SGSM2: variants seen among roughly 807,000 people sequenced by gnomAD.
SGSM2 encodes RUN and TBC1 domain containing 1.
SGSM2 carries 89 observed loss-of-function variants against 126.6 expected under a neutral mutation model. That is an observed-to-expected ratio of 0.70 (90% CI 0.59 to 0.84). SGSM2 has a LOEUF of 0.84. SGSM2 is among the 40% of genes least tolerant of loss of function. The pLI, the probability that SGSM2 is intolerant of heterozygous loss-of-function variation, is 0.00. For missense variants in SGSM2, 1,404 were observed against 1,416.6 expected (o/e 0.99, Z 0.14); for synonymous variants, 614 against 574.3 (o/e 1.07, Z -0.99).
chr17:2,357,509 T>G (rs1020535691), intron 2 of SGSM2, among the ~76,000 whole-genome samples: 1 of 152,194 alleles, frequency 6.6e-6, no homozygotes, highest in African/African-American at 2.4e-5. Flanking sequence ...TTATTTTATT[T>G]TCTTGAGATG....
chr17:2,375,359 A>T (rs1014109422), intron 17 of SGSM2, 133 bp from the exon 18 acceptor site: 4 of 1,179,246 alleles, frequency 3.4e-6, no homozygotes, highest in East Asian at 2.6e-5. Flanking sequence ...CCCCGTGGCC[A>T]CAGTGTTGGA....
Position 2,364,922 on chromosome 17 carries a change from G to A in SGSM2, c.1026G>A (p.Val342=). 1.9e-6 allele frequency: 3 copies of A among 1,611,656 alleles called. No homozygotes were observed. The highest frequency in any genetic ancestry group is 1.7e-6 in the Non-Finnish European group (2 of 1,179,990). ...QQKSGGTLVL[V]SQDGIQRPPL... ...AGAGCGGTGGCACGCTTGTGCTGGT[G>A]AGCCAGGATGGCATCCAGAGGCCGC... Residue 342 remains valine, a synonymous_variant, in exon 10 of 24, where the codon GTG becomes GTA. Coordinates refer to ENST00000268989, the MANE Select transcript of SGSM2 (RefSeq NM_014853.3).
intron 2 of SGSM2, among the ~76,000 whole-genome samples, chr17:2,345,595 CAAAA>C (rs1228278801): frequency 1.2e-5 from 1 of 84,208 alleles, no homozygotes. Context: ...GACTCTGTCT[CAAAA>C]AAAAAAAAAA....
chr17:2,363,955 C>A lies in SGSM2; in HGVS notation c.808-104C>A. 1 of 1,431,642 alleles carries A rather than the reference C, an allele frequency of 7.0e-7. No individual in the cohort carries two copies. Among genetic ancestry groups the A allele is most frequent in the Non-Finnish European group, 9.7e-7 (1 of 1,026,248 alleles). 88.7% of individuals were successfully genotyped at this position (1,431,642 alleles called of 1,614,324 possible). Reference sequence around the variant, plus strand: ...CCTAGTCCAGGACCCCGTGACTAGCCTAGCTTGGCCTCCCCTCCTCCCAGC... The same window carrying A: ...CCTAGTCCAGGACCCCGTGACTAGCATAGCTTGGCCTCCCCTCCTCCCAGC... On this transcript the variant is annotated intron_variant, in intron 7 of 23. Transcript: ENST00000268989. This position sits in a 1 kb window ranked among gnomAD's most constrained non-coding sequence, Gnocchi z 4.2.
At chr17:2,369,650 C>G (rs955734817) in intron 12 of SGSM2, among the ~76,000 whole-genome samples, 2 of 152,180 alleles carry the variant, frequency 1.3e-5, no homozygotes, top group African/African-American at 2.4e-5. Flanking sequence ...GGCCTCCTTT[C>G]TGGGCATGAG....
chr17:2,350,067 G>A (rs902932495), intron 2 of SGSM2, among the ~76,000 whole-genome samples: 3 of 151,914 alleles, frequency 2.0e-5, no homozygotes, highest in Non-Finnish European at 2.9e-5. Flanking sequence ...GATTACAGGC[G>A]TAAGCCACCA....
intron 3 of SGSM2, 105 bp downstream of exon 3, chr17:2,361,904 C>A: frequency 7.1e-7 from 1 of 1,403,894 alleles, no homozygotes; most frequent in South Asian, 1.4e-5. Flanking sequence ...GGGCCTGTTC[C>A]TTGCAGGGCC....
intron 1 of SGSM2, among the ~76,000 whole-genome samples, chr17:2,340,815 A>G (rs1049512083): frequency 4.6e-5 from 7 of 151,914 alleles, no homozygotes; most frequent in South Asian, 2.1e-4. Flanking sequence ...CGATCTCCTG[A>G]CCTCGTGATC....
rs780826322 is a variant in SGSM2 at position 2,367,350 on chromosome 17, C to T, written c.1368C>T (p.His456=). The change falls in exon 12 of 24, where the codon CAC becomes CAT. Residue 456 remains histidine, a synonymous_variant. Coordinates refer to ENST00000268989, the MANE Select transcript of SGSM2 (RefSeq NM_014853.3). The surrounding 1 kb of genome is among the most constrained non-coding windows in gnomAD (Gnocchi z 4.0). ...DDDEEEEDKL[H]AMLSMICSRN... Reference sequence around the variant, plus strand: ...ATGAGGAAGAGGAGGATAAACTGCACGCGATGCTCTCAATGATCTGCTCGC... The same window carrying T: ...ATGAGGAAGAGGAGGATAAACTGCATGCGATGCTCTCAATGATCTGCTCGC... The T allele has an allele frequency of 9.9e-6, 16 of 1,614,074 alleles. No individual in the cohort carries two copies. Among genetic ancestry groups the T allele is most frequent in the Middle Eastern group, 1.6e-4 (1 of 6,080 alleles).
rs540252038 is a variant in SGSM2 at position 2,353,796 on chromosome 17, A to G, written c.134-7841A>G. 2.1e-4 allele frequency among the ~76,000 whole-genome samples: 31 copies of G among 150,694 alleles called. 1 individual carries two copies. The South Asian group carries it at 6.5e-3, about 32-fold the overall frequency. ...AAAAAAGCGTGCAGTGAAAAGTCTC[A>G]CTCCTTTCTCTGCTCTTATTCACCC... is the stretch of plus-strand genomic sequence containing the variant. On this transcript the variant is annotated intron_variant, in intron 2 of 23. Transcript: ENST00000268989.
chr17:2,337,865 C>G lies in SGSM2; in HGVS notation c.57+120C>G. The G allele has an allele frequency of 1.7e-6, 1 of 572,146 alleles. No individual in the cohort carries two copies. Among genetic ancestry groups the G allele is most frequent in the South Asian group, 5.4e-5 (1 of 18,492 alleles). 35.4% of individuals were successfully genotyped at this position (572,146 alleles called of 1,614,324 possible). ...CGGGCCGAACCTGGGCCGGGCGGGGCGGGTCCTGGACGGGCTGCGCCTCCT... is the reference window on the plus strand; with the variant it reads ...CGGGCCGAACCTGGGCCGGGCGGGGGGGGTCCTGGACGGGCTGCGCCTCCT... On this transcript the variant is annotated intron_variant, in intron 1 of 23. Coordinates refer to ENST00000268989, the MANE Select transcript of SGSM2 (RefSeq NM_014853.3). The surrounding 1 kb of genome is among the most constrained non-coding windows in gnomAD (Gnocchi z 5.1).
At chr17:2,353,100 G>T (rs1203642055) in intron 2 of SGSM2, among the ~76,000 whole-genome samples, 1 of 151,964 alleles carries the variant, frequency 6.6e-6, no homozygotes, top group Non-Finnish European at 1.5e-5. Context: ...TCTAGCAGCC[G>T]AGCTATAGTT....
At chr17:2,345,578 A>G (rs1355736654) in intron 2 of SGSM2, among the ~76,000 whole-genome samples, 4 of 145,436 alleles carry the variant, frequency 2.8e-5, no homozygotes, top group South Asian at 2.2e-4. Context: ...CCTGGGTGAC[A>G]GAGCGAGACT....
chr17:2,338,524 T>G (rs1413373082), intron 1 of SGSM2, among the ~76,000 whole-genome samples: 1 of 152,018 alleles, frequency 6.6e-6, no homozygotes, highest in Non-Finnish European at 1.5e-5. Context: ...TAGAATACAT[T>G]GGGCCTCCTT....
chr17:2,367,202 AGGAG>A lies in SGSM2; in HGVS notation c.1289-64_1289-61del. 6.6e-7 allele frequency: 1 copy of A among 1,517,818 alleles called. No homozygotes were observed. Among genetic ancestry groups the A allele is most frequent in the Non-Finnish European group, 8.9e-7 (1 of 1,125,582 alleles). The allele number at this position is 1,517,818 out of a possible 1,614,324, so 94.0% of individuals were successfully genotyped here. On this transcript the variant is annotated intron_variant, in intron 11 of 23. Transcript: ENST00000268989. The surrounding 1 kb of genome is among the most constrained non-coding windows in gnomAD (Gnocchi z 4.0). ...CCCGGCCTCCATTCCACTCCCCTTA[AGGAG>A]GGAGTCCGTCCTGCCCAGGGATGAG...
At chr17:2,347,395 T>C (rs1440524079) in intron 2 of SGSM2, among the ~76,000 whole-genome samples, 3 of 149,988 alleles carry the variant, frequency 2.0e-5, no homozygotes, top group South Asian at 2.1e-4. Context: ...GTGTGAACCA[T>C]CACACCCGGC....
At chr17:2,358,528 GT>G (rs1207767951) in intron 2 of SGSM2, among the ~76,000 whole-genome samples, 1 of 152,124 alleles carries the variant, frequency 6.6e-6, no homozygotes, top group Non-Finnish European at 1.5e-5. Flanking sequence ...AGGCAACATA[GT>G]GAGACCTCAG....
chr17:2,379,357 G>T (rs2066319616), intron 23 of SGSM2, 75 bp from the exon 24 acceptor site: 1 of 1,571,214 alleles, frequency 6.4e-7, no homozygotes, highest in Non-Finnish European at 8.7e-7. Flanking sequence ...TGGAAACAGA[G>T]CAGGGTAGTC....
intron 1 of SGSM2, among the ~76,000 whole-genome samples, chr17:2,339,198 C>G (rs148409015): frequency 6.6e-6 from 1 of 151,816 alleles, no homozygotes; most frequent in South Asian, 2.1e-4. Flanking sequence ...GAGGCTGAGG[C>G]GGGTAGATCA....
Sources: gnomAD v4.1 joint callset for allele counts (sites outside exome capture counted in the v4.1 genomes callset) on GRCh38, gnomAD v4.1.1 for gene constraint, Gnocchi (gnomAD v3.1) non-coding constraint, MANE v1.5 for transcripts, NCBI Gene and HGNC (gene_info 2026-07-23, HGNC 2026-07-21) for gene names.